HS3ST4: variants seen among roughly 807,000 people sequenced by gnomAD.
HS3ST4 encodes heparan sulfate-glucosamine 3-sulfotransferase 4.
In HS3ST4, 17 loss-of-function variants were observed where a neutral mutation model predicts 29.2. The ratio of observed to expected loss-of-function variants is 0.58; its 90% CI spans 0.40 to 0.87. The LOEUF is 0.87. Ranked by LOEUF, HS3ST4 falls within the 40% of genes least tolerant of loss-of-function variation. The probability of loss-of-function intolerance (pLI) is 0.00; values close to 1 mark genes in which losing one functional copy is unlikely to be tolerated. For missense variants in HS3ST4, 627 were observed against 634.5 expected, an observed-to-expected ratio of 0.99 and a Z score of 0.13; for synonymous variants, 314 against 285.7, an observed-to-expected ratio of 1.10 and a Z score of -1.00.
intron 1 of HS3ST4, among the ~76,000 whole-genome samples, chr16:26,106,067 A>T (rs980721284): frequency 6.6e-6 from 1 of 152,212 alleles, no homozygotes; most frequent in Non-Finnish European, 1.5e-5. Context: ...ACTTGTTCCT[A>T]TGGTGGTTTC....
chr16:25,831,396 T>TACACACAC (rs58851793), intron 1 of HS3ST4, among the ~76,000 whole-genome samples: 3,473 of 126,050 alleles, frequency 0.028, 87 homozygotes, highest in African/African-American at 0.04. Flanking sequence ...ACCCCGTCTC[T>TACACACAC]ACACACACAC....
At chr16:26,087,980 C>T (rs1194685844) in intron 1 of HS3ST4, among the ~76,000 whole-genome samples, 1 of 152,100 alleles carries the variant, frequency 6.6e-6, no homozygotes, top group African/African-American at 2.4e-5. Context: ...TTGATTATAC[C>T]CATCACATCC....
chr16:26,114,194 G>A (rs1203718141), intron 1 of HS3ST4, among the ~76,000 whole-genome samples: 1 of 152,124 alleles, frequency 6.6e-6, no homozygotes, highest in Non-Finnish European at 1.5e-5. Context: ...AAAACACACC[G>A]GGCTCCTTGC....
At chr16:26,101,084 G>A (rs898592941) in intron 1 of HS3ST4, among the ~76,000 whole-genome samples, 1 of 152,198 alleles carries the variant, frequency 6.6e-6, no homozygotes, top group Non-Finnish European at 1.5e-5. Context: ...GTTTACTCCA[G>A]TTGGTGTCTC....
intron 1 of HS3ST4, among the ~76,000 whole-genome samples, chr16:25,711,838 A>G (rs1966417869): frequency 6.6e-6 from 1 of 152,214 alleles, no homozygotes. Context: ...GATTTTGCCC[A>G]GGCTGGTCTT....
intron 1 of HS3ST4, among the ~76,000 whole-genome samples, chr16:25,929,031 A>C (rs1311466258): frequency 6.6e-6 from 1 of 152,116 alleles, no homozygotes; most frequent in Non-Finnish European, 1.5e-5. Context: ...GTGTAGAAAA[A>C]CTAGAAAGGA....
intron 1 of HS3ST4, among the ~76,000 whole-genome samples, chr16:26,093,692 G>A (rs1401827358): frequency 1.3e-5 from 2 of 152,116 alleles, no homozygotes; most frequent in African/African-American, 2.4e-5. Flanking sequence ...TCTAAAAATC[G>A]AGCACCTCTT....
intron 1 of HS3ST4, among the ~76,000 whole-genome samples, chr16:26,024,624 C>T (rs1471560499): frequency 1.3e-5 from 2 of 151,274 alleles, no homozygotes; most frequent in South Asian, 2.1e-4. Flanking sequence ...CCCAGCTACT[C>T]GGGAGGCTGA....
intron 1 of HS3ST4, among the ~76,000 whole-genome samples, chr16:25,798,558 T>C (rs967412343): frequency 6.6e-6 from 1 of 152,154 alleles, no homozygotes; most frequent in African/African-American, 2.4e-5. Flanking sequence ...TTTCATTGGC[T>C]AAAGAAAGCC....
In HS3ST4 at chr16:25,711,817, C is replaced by A. The variant is rs576775787; in HGVS notation, c.734+18666C>A. 6.6e-5 allele frequency among the ~76,000 whole-genome samples: 10 copies of A among 152,208 alleles called. No homozygotes were observed. The South Asian group carries it at 1.9e-3, about 28-fold the overall frequency. On this transcript the variant is annotated intron_variant, in intron 1 of 1. Transcript: ENST00000331351. ...ATTTATTGCTTCATTTTTTCCTGTA[C>A]TATCAGGGCCGATTTTGCCCAGGCT...
chr16:25,868,448 C>T (rs1253877790), intron 1 of HS3ST4, among the ~76,000 whole-genome samples: 1 of 152,152 alleles, frequency 6.6e-6, no homozygotes, highest in Non-Finnish European at 1.5e-5. Flanking sequence ...TTCCATCAGC[C>T]TGCAGCAGAC....
chr16:25,807,037 G>T (rs1966996902), intron 1 of HS3ST4, among the ~76,000 whole-genome samples: 1 of 152,136 alleles, frequency 6.6e-6, no homozygotes, highest in Admixed American at 6.5e-5. Flanking sequence ...CAATGGTGCA[G>T]TCTCGACTCA....
At chr16:25,734,702 G>A (rs942770641) in intron 1 of HS3ST4, among the ~76,000 whole-genome samples, 3 of 152,160 alleles carry the variant, frequency 2.0e-5, no homozygotes, top group Non-Finnish European at 2.9e-5. Context: ...TAATGAGCTG[G>A]GTGATATGAA....
chr16:26,072,419 CCAG>C (rs1442180590), intron 1 of HS3ST4, among the ~76,000 whole-genome samples: 1 of 152,008 alleles, frequency 6.6e-6, no homozygotes, highest in African/African-American at 2.4e-5. Context: ...GAATTGGTAC[CCAG>C]CATCAGACCA....
chr16:26,125,027 G>A (rs994914970), intron 1 of HS3ST4, among the ~76,000 whole-genome samples: 2 of 152,194 alleles, frequency 1.3e-5, no homozygotes, highest in Non-Finnish European at 1.5e-5. Flanking sequence ...ATCCAAAAGT[G>A]GTTTATGATG....
chr16:25,992,504 G>A (rs1205957189), intron 1 of HS3ST4, among the ~76,000 whole-genome samples: 1 of 152,166 alleles, frequency 6.6e-6, no homozygotes, highest in East Asian at 1.9e-4. Context: ...TTTGCATCCA[G>A]GCTTATCAGA....
rs184319780 is a variant in HS3ST4, at chr16:26,111,953, G to A, written c.735-23659G>A. ...AATCTCCTGAACCCGGGAGGCGGAG[G>A]TTGCAGCAAGCCAAGATCATGCCAC... is the stretch of plus-strand genomic sequence containing the variant. On this transcript the variant is annotated intron_variant, in intron 1 of 1. Coordinates refer to ENST00000331351, the MANE Select transcript of HS3ST4 (RefSeq NM_006040.3). Among the ~76,000 whole-genome samples, 102 of 150,730 alleles carry A rather than the reference G, an allele frequency of 6.8e-4. No homozygotes were observed. In the Middle Eastern group the frequency reaches 0.01, roughly 15 times the overall value.
chr16:25,956,872 C>G (rs766343635), intron 1 of HS3ST4, among the ~76,000 whole-genome samples: 26 of 151,784 alleles, frequency 1.7e-4, no homozygotes, highest in Non-Finnish European at 2.5e-4. Flanking sequence ...GTGGTGGGCG[C>G]ATGTAATCTC....
chr16:25,800,031 CTCCT>C (rs10559837), intron 1 of HS3ST4, among the ~76,000 whole-genome samples: 71,340 of 149,312 alleles, frequency 0.48, 17,207 homozygotes, highest in South Asian at 0.7. Context: ...TTCTCTCCCT[CTCCT>C]TCCTTCCTTC....
Sources: allele counts gnomAD v4.1 joint callset (sites outside exome capture counted in the v4.1 genomes callset), GRCh38; gene constraint gnomAD v4.1.1; transcripts MANE v1.5; gene names NCBI Gene and HGNC (gene_info 2026-07-23, HGNC 2026-07-21).